ZMAT4: variants seen among roughly 807,000 people sequenced by gnomAD.
ZMAT4 encodes zinc finger matrin-type 4.
A neutral mutation model predicts 28.7 loss-of-function variants in ZMAT4; 17 were observed. The ratio of observed to expected loss-of-function variants is 0.59; its 90% CI spans 0.41 to 0.89. The LOEUF (loss-of-function observed/expected upper bound fraction) is 0.89, where lower values mean the gene tolerates loss of function less well. Ranked by LOEUF, ZMAT4 falls within the 40% of genes least tolerant of loss-of-function variation. The probability of loss-of-function intolerance (pLI) is 0.00; values close to 1 mark genes in which losing one functional copy is unlikely to be tolerated. For synonymous variants in ZMAT4, 117 were observed against 109.2 expected (o/e 1.07, Z -0.44); for missense variants, 240 against 283.8 (o/e 0.85, Z 1.11).
chr8:40,665,778 T>C (rs1808387569), intron 5 of ZMAT4, among the ~76,000 whole-genome samples: 1 of 152,170 alleles, frequency 6.6e-6, no homozygotes, highest in Non-Finnish European at 1.5e-5. Context: ...ACACCCTCAG[T>C]GAGGAGCCAT....
intron 5 of ZMAT4, among the ~76,000 whole-genome samples, chr8:40,600,612 T>A (rs1805268264): frequency 6.6e-6 from 1 of 152,134 alleles, no homozygotes; most frequent in Non-Finnish European, 1.5e-5. Context: ...GAGCAGTGAG[T>A]CACACTTGCT....
intron 3 of ZMAT4, among the ~76,000 whole-genome samples, chr8:40,717,532 A>G (rs1057413588): frequency 1.3e-5 from 2 of 152,018 alleles, no homozygotes; most frequent in African/African-American, 2.4e-5. Context: ...GTGGTGGTGC[A>G]TGCCTCTAGT....
At chr8:40,791,452 A>G (rs900961835) in intron 2 of ZMAT4, among the ~76,000 whole-genome samples, 4 of 152,228 alleles carry the variant, frequency 2.6e-5, no homozygotes, top group Admixed American at 6.5e-5. Context: ...GATTTCATGT[A>G]TACTATCAAT....
At chr8:40,583,701 A>G (rs982464693) in intron 5 of ZMAT4, among the ~76,000 whole-genome samples, 58 of 152,236 alleles carry the variant, frequency 3.8e-4, no homozygotes, top group Admixed American at 3.5e-3. Context: ...GCTTGCTCCT[A>G]TGCATTTTAG....
chr8:40,857,325 G>T (rs564027581), intron 1 of ZMAT4, among the ~76,000 whole-genome samples: 1 of 151,836 alleles, frequency 6.6e-6, no homozygotes, highest in Non-Finnish European at 1.5e-5. Flanking sequence ...GAGAATAGCC[G>T]CTGCACTCCA....
chr8:40,773,162 G>A lies in ZMAT4; in HGVS notation c.103-5432C>T, dbSNP rs185057762. On this transcript the variant is annotated intron_variant, in intron 2 of 6. Coordinates refer to ENST00000297737, the MANE Select transcript of ZMAT4 (RefSeq NM_024645.3). ...TGGATGTATCTTCTCTTATTTGTCA[G>A]GGGAAGAACATTGGGCACAGAAACT... Among the ~76,000 whole-genome samples, 3 of 152,330 alleles carry A rather than the reference G, an allele frequency of 2.0e-5. No homozygotes were observed. In the East Asian group the frequency reaches 5.8e-4, roughly 29 times the overall value.
intron 4 of ZMAT4, 105 bp from the exon 5 acceptor site, chr8:40,675,036 T>A: frequency 2.5e-6 from 2 of 790,638 alleles, no homozygotes; most frequent in Non-Finnish European, 4.0e-6. Flanking sequence ...CTCTAGAGCT[T>A]AAACATCCCC....
intron 6 of ZMAT4, among the ~76,000 whole-genome samples, chr8:40,532,969 G>A (rs1802739977): frequency 6.7e-6 from 1 of 149,644 alleles, no homozygotes; most frequent in Non-Finnish European, 1.5e-5. Flanking sequence ...GCAACAGAGG[G>A]AGACTCCATG....
intron 3 of ZMAT4, among the ~76,000 whole-genome samples, chr8:40,737,778 A>C (rs569227782): frequency 1.9e-4 from 29 of 152,158 alleles, no homozygotes; most frequent in Admixed American, 1.5e-3. Context: ...AAATCATATG[A>C]GGCAAGTTAT....
At chr8:40,614,546 T>A (rs946049076) in intron 5 of ZMAT4, among the ~76,000 whole-genome samples, 4 of 152,170 alleles carry the variant, frequency 2.6e-5, no homozygotes, top group African/African-American at 9.7e-5. Context: ...CCCATTATTA[T>A]TGTGTGGGAG....
At chr8:40,806,276 C>A (rs1182119963) in intron 2 of ZMAT4, among the ~76,000 whole-genome samples, 3 of 152,204 alleles carry the variant, frequency 2.0e-5, no homozygotes, top group Non-Finnish European at 4.4e-5. Context: ...TCTATGGAAG[C>A]AAACACCTAG....
chr8:40,714,916 G>T (rs1285057463), intron 3 of ZMAT4, among the ~76,000 whole-genome samples: 1 of 151,900 alleles, frequency 6.6e-6, no homozygotes, highest in African/African-American at 2.4e-5. Flanking sequence ...AGGCGTGGTG[G>T]CACGCACCTG....
At chr8:40,684,614 C>T (rs989049809) in intron 4 of ZMAT4, among the ~76,000 whole-genome samples, 16 of 152,194 alleles carry the variant, frequency 1.1e-4, no homozygotes, top group South Asian at 2.1e-4. Flanking sequence ...TTTACTTATC[C>T]GGCAGCATTA....
intron 6 of ZMAT4, among the ~76,000 whole-genome samples, chr8:40,575,809 C>T (rs895854072): frequency 2.0e-5 from 3 of 151,008 alleles, no homozygotes; most frequent in African/African-American, 4.9e-5. Flanking sequence ...GTAATAAAGG[C>T]ATAAAAAAGG....
intron 4 of ZMAT4, among the ~76,000 whole-genome samples, chr8:40,688,273 T>C (rs1017211180): frequency 6.6e-6 from 1 of 151,982 alleles, no homozygotes; most frequent in Non-Finnish European, 1.5e-5. Context: ...CTGACCAACA[T>C]GGTGAAATCC....
intron 6 of ZMAT4, among the ~76,000 whole-genome samples, chr8:40,566,095 C>T (rs1467502308): frequency 6.6e-6 from 1 of 152,110 alleles, no homozygotes; most frequent in African/African-American, 2.4e-5. Context: ...GTGGGTGGGT[C>T]ACTTAATAAA....
chr8:40,720,176 A>G (rs1224454895), intron 3 of ZMAT4, among the ~76,000 whole-genome samples: 2 of 152,194 alleles, frequency 1.3e-5, no homozygotes, highest in African/African-American at 4.8e-5. Context: ...AAACATCAAC[A>G]TGGTCATGAT....
At chr8:40,585,428 C>A (rs1186691073) in intron 5 of ZMAT4, among the ~76,000 whole-genome samples, 1 of 152,134 alleles carries the variant, frequency 6.6e-6, no homozygotes, top group Non-Finnish European at 1.5e-5. Flanking sequence ...TCGGGAGATT[C>A]TGATACTCTA....
At chr8:40,798,429 C>T (rs990110917) in intron 2 of ZMAT4, among the ~76,000 whole-genome samples, 40 of 152,174 alleles carry the variant, frequency 2.6e-4, no homozygotes, top group Admixed American at 2.6e-3. Context: ...ATTTTTCAAG[C>T]CCCGCTTGTA....
Sources: gnomAD v4.1 joint callset for allele counts (sites outside exome capture counted in the v4.1 genomes callset) on GRCh38, gnomAD v4.1.1 for gene constraint, MANE v1.5 for transcripts, NCBI Gene and HGNC (gene_info 2026-07-23, HGNC 2026-07-21) for gene names.